Variants in RASGEF1C observed in about 807,000 individuals in gnomAD.
The protein encoded by RASGEF1C is RasGEF domain family member 1C.
A neutral mutation model predicts 58.1 loss-of-function variants in RASGEF1C; 27 were observed. The observed-to-expected ratio is 0.46, with a 90% CI of 0.34 to 0.64. The LOEUF (loss-of-function observed/expected upper bound fraction) is 0.64. Among genes scored for constraint, RASGEF1C ranks in the 30% least tolerant of loss-of-function variants. RASGEF1C has a pLI of 0.01. For synonymous variants in RASGEF1C, 243 were observed against 246.3 expected (o/e 0.99, Z 0.13); for missense variants, 502 against 605.1 (o/e 0.83, Z 1.79).
chr5:180,149,111 CAG>C (rs1561743558), intron 1 of RASGEF1C, among the ~76,000 whole-genome samples: 10 of 113,010 alleles, frequency 8.8e-5, no homozygotes, highest in Non-Finnish European at 1.7e-4. Context: ...TTTTTTGAGA[CAG>C]AGTCTTGCTC....
At chr5:180,194,004 G>GTTTC (rs1176398364) in intron 1 of RASGEF1C, among the ~76,000 whole-genome samples, 2 of 148,982 alleles carry the variant, frequency 1.3e-5, no homozygotes, top group Admixed American at 1.3e-4. Flanking sequence ...TCTGTATGGT[G>GTTTC]TTTGTTTGTT....
chr5:180,134,763 C>T (rs914542288), intron 4 of RASGEF1C, among the ~76,000 whole-genome samples: 3 of 149,252 alleles, frequency 2.0e-5, no homozygotes, highest in African/African-American at 7.5e-5. Flanking sequence ...TATCACCCAC[C>T]TCTTTTACAG....
intron 4 of RASGEF1C, among the ~76,000 whole-genome samples, chr5:180,134,103 T>C (rs55766469): frequency 0.34 from 51,679 of 152,002 alleles, 9,526 homozygotes; most frequent in Middle Eastern, 0.49. Context: ...CCAGGGCTCT[T>C]CCATCCCAAA....
At chr5:180,131,055 A>C (rs1766357763) in intron 4 of RASGEF1C, among the ~76,000 whole-genome samples, 1 of 151,016 alleles carries the variant, frequency 6.6e-6, no homozygotes, top group African/African-American at 2.4e-5. Flanking sequence ...TGCGCATCCC[A>C]CCACTGTCTC....
chr5:180,121,448 G>C (rs1435521646), intron 6 of RASGEF1C, among the ~76,000 whole-genome samples: 1 of 151,950 alleles, frequency 6.6e-6, no homozygotes, highest in Non-Finnish European at 1.5e-5. Context: ...CGAGTAGGTG[G>C]GACTACAGGC....
intron 6 of RASGEF1C, among the ~76,000 whole-genome samples, chr5:180,122,059 T>C (rs1047435992): frequency 3.3e-4 from 50 of 151,612 alleles, no homozygotes; most frequent in African/African-American, 1.2e-3. Context: ...GTAACAGCAC[T>C]GTTAGCCATG....
At chr5:180,202,117 A>G (rs1756405281) in intron 1 of RASGEF1C, among the ~76,000 whole-genome samples, 1 of 152,232 alleles carries the variant, frequency 6.6e-6, no homozygotes, top group African/African-American at 2.4e-5. Flanking sequence ...GGAAAAGACC[A>G]TCATCTCAGA....
At chr5:180,157,576 G>A (rs1245459004) in intron 1 of RASGEF1C, among the ~76,000 whole-genome samples, 12 of 147,582 alleles carry the variant, frequency 8.1e-5, no homozygotes, top group East Asian at 2.0e-4. Flanking sequence ...GCAGTGAGCC[G>A]AAATTGCGCC....
At chr5:180,151,858 A>C (rs902799357) in intron 1 of RASGEF1C, among the ~76,000 whole-genome samples, 3 of 96,480 alleles carry the variant, frequency 3.1e-5, no homozygotes, top group African/African-American at 6.2e-5. Context: ...CAATGAACTC[A>C]AACAAATTTA....
At chr5:180,208,200 C>G (rs1408920290) in intron 1 of RASGEF1C, among the ~76,000 whole-genome samples, 1 of 152,144 alleles carries the variant, frequency 6.6e-6, no homozygotes, top group African/African-American at 2.4e-5. Flanking sequence ...GTTACTCCAC[C>G]TGCCTGGCAG....
chr5:180,126,984 GA>G (rs11331997), intron 6 of RASGEF1C, among the ~76,000 whole-genome samples: 147,305 of 152,196 alleles, frequency 0.97, 71,496 homozygotes, highest in East Asian at 1. Context: ...TCTGAGAAGT[GA>G]AAAATGCAAT....
intron 1 of RASGEF1C, among the ~76,000 whole-genome samples, chr5:180,181,260 C>T (rs1767318718): frequency 2.6e-5 from 4 of 152,180 alleles, no homozygotes. Context: ...GCCTTTAAAA[C>T]ATACTTGAGT....
chr5:180,130,192 T>C (rs1405418705), intron 4 of RASGEF1C, among the ~76,000 whole-genome samples: 1 of 152,198 alleles, frequency 6.6e-6, no homozygotes, highest in Non-Finnish European at 1.5e-5. Context: ...AGAAGTCGCA[T>C]AGGGTGACCT....
At position 180,155,144 on chromosome 5, in the gene RASGEF1C, G is replaced by T. The variant is rs1273568733; in HGVS notation, c.-6-17086C>A. Among the ~76,000 whole-genome samples, 1 of 152,128 alleles carries T rather than the reference G, an allele frequency of 6.6e-6. No individual in the cohort carries two copies. Among genetic ancestry groups the T allele is most frequent in the East Asian group, 1.9e-4 (1 of 5,170 alleles). On this transcript the variant is annotated intron_variant, in intron 1 of 13. Transcript: ENST00000361132. The surrounding 1 kb of genome is among the most constrained non-coding windows in gnomAD (Gnocchi z 5.2). ...CCACAGCCCAGCCCTTCCCCACCTT[G>T]CACAGAAACCTCAAGGGAGGAAAGC...
At chr5:180,102,297 G>A (rs1018394199) in intron 12 of RASGEF1C, among the ~76,000 whole-genome samples, 154 bp from the exon 13 acceptor site, 5 of 151,814 alleles carry the variant, frequency 3.3e-5, no homozygotes, top group African/African-American at 1.2e-4. Flanking sequence ...CTGTCTTAAC[G>A]ACAGTAGTTC....
At chr5:180,130,048 G>A (rs369791774) in intron 4 of RASGEF1C, among the ~76,000 whole-genome samples, 3 of 152,212 alleles carry the variant, frequency 2.0e-5, no homozygotes, top group African/African-American at 4.8e-5. Flanking sequence ...CACTTACTGC[G>A]CACCCACTGT....
At chr5:180,136,265 G>A (rs1310479836) in intron 4 of RASGEF1C, 113 bp downstream of exon 4, 60 of 1,107,090 alleles carry the variant, frequency 5.4e-5, no homozygotes, top group Non-Finnish European at 7.3e-5. Context: ...GGATTTGGAC[G>A]GGCCGTGGTG....
Position 180,137,206 on chromosome 5 carries a change from C to G in RASGEF1C, c.300+384G>C, listed in dbSNP as rs995145661. On this transcript the variant is annotated intron_variant, in intron 3 of 13. Coordinates refer to ENST00000361132, the MANE Select transcript of RASGEF1C (RefSeq NM_175062.4). This position sits in a 1 kb window ranked among gnomAD's most constrained non-coding sequence, Gnocchi z 4.1. ...GGGTCTCTCCCACTAGCGGTAGAGC[C>G]CTACCGACGCGTGTGCAATAGAGGC... 6.6e-6 allele frequency among the ~76,000 whole-genome samples: 1 copy of G among 152,154 alleles called. No individual in the cohort carries two copies. Among genetic ancestry groups the G allele is most frequent in the African/African-American group, 2.4e-5 (1 of 41,422 alleles).
intron 4 of RASGEF1C, 82 bp downstream of exon 4, chr5:180,136,296 G>C (rs1212124601): frequency 6.5e-6 from 9 of 1,387,938 alleles, no homozygotes; most frequent in Non-Finnish European, 6.8e-6. Flanking sequence ...GGAGATGAGG[G>C]CCCTGGGGTG....
Sources: gnomAD v4.1 joint callset for allele counts (sites outside exome capture counted in the v4.1 genomes callset) on GRCh38, gnomAD v4.1.1 for gene constraint, Gnocchi (gnomAD v3.1) non-coding constraint, MANE v1.5 for transcripts, NCBI Gene and HGNC (gene_info 2026-07-23, HGNC 2026-07-21) for gene names.